Variants in NECTIN1 observed in about 807,000 individuals in gnomAD.
The protein encoded by NECTIN1 is nectin cell adhesion molecule 1.
In NECTIN1, 23 loss-of-function variants were observed where a neutral mutation model predicts 48.0. That is an observed-to-expected ratio of 0.48 (90% CI 0.34 to 0.68). The LOEUF is 0.68. Among genes scored for constraint, NECTIN1 ranks in the 30% least tolerant of loss-of-function variants. The pLI, the probability that NECTIN1 is intolerant of heterozygous loss-of-function variation, is 0.01. For missense variants in NECTIN1, 591 were observed against 709.9 expected (o/e 0.83, Z 1.90); for synonymous variants, 270 against 288.9 (o/e 0.93, Z 0.66).
chr11:119,669,230 G>A (rs1864825698), intron 5 of NECTIN1, among the ~76,000 whole-genome samples: 1 of 152,074 alleles, frequency 6.6e-6, no homozygotes, highest in Non-Finnish European at 1.5e-5. Context: ...TGACCAACAT[G>A]GTGAAACCTC....
intron 1 of NECTIN1, chr11:119,713,927 C>G (rs1157039830): frequency 4.4e-6 from 2 of 453,658 alleles, no homozygotes; most frequent in Admixed American, 4.7e-5. Context: ...AGCCTGGGGA[C>G]TTGGGGAGAA....
intron 1 of NECTIN1, among the ~76,000 whole-genome samples, chr11:119,679,340 A>G (rs1479256715): frequency 2.0e-5 from 3 of 152,154 alleles, no homozygotes; most frequent in Non-Finnish European, 4.4e-5. Flanking sequence ...GAGGCTCTGG[A>G]TGAGCTTGAA....
At chr11:119,638,837 A>G in intron 6 of NECTIN1, 4 of 1,584,846 alleles carry the variant, frequency 2.5e-6, no homozygotes, top group Admixed American at 1.7e-5. Context: ...AGCTCAGCAC[A>G]GGAGCACACA....
rs144679899 is a variant in NECTIN1, at chr11:119,684,005, C to T, written c.80-5240G>A. On this transcript the variant is annotated intron_variant, in intron 1 of 5. Transcript: ENST00000264025. The surrounding 1 kb of genome is among the most constrained non-coding windows in gnomAD (Gnocchi z 5.2). ...AAACACAAAGACTCCTCAGTTGTGG[C>T]GGACAAACCTGCTCCCCAAGGCCCT... Among the ~76,000 whole-genome samples, 210 of 152,340 alleles carry T rather than the reference C, an allele frequency of 1.4e-3. 2 individuals carry two copies. Among genetic ancestry groups the T allele is most frequent in the African/African-American group, 4.8e-3 (198 of 41,590 alleles).
chr11:119,715,506 T>C (rs7946962), intron 1 of NECTIN1, among the ~76,000 whole-genome samples: 147,245 of 152,176 alleles, frequency 0.97, 71,268 homozygotes, highest in South Asian at 0.98. Flanking sequence ...CAGGTGCCCA[T>C]AACCATGCCT....
In NECTIN1 at chr11:119,677,491, A is replaced by G; in HGVS notation, c.733+64T>C. ...GAAAGAGAAAGGGAGGAGAAAGGAG[A>G]GGAGGAGGGAGGAGGGACAGTGGCG... On this transcript the variant is annotated intron_variant, in intron 3 of 5. Coordinates refer to ENST00000264025, the MANE Select transcript of NECTIN1 (RefSeq NM_002855.5). This position sits in a 1 kb window ranked among gnomAD's most constrained non-coding sequence, Gnocchi z 5.4. The G allele has an allele frequency of 6.5e-7, 1 of 1,537,062 alleles. No individual in the cohort carries two copies. Among genetic ancestry groups the G allele is most frequent in the Non-Finnish European group, 9.0e-7 (1 of 1,112,302 alleles).
Position 119,680,362 on chromosome 11 carries a change from G to A in NECTIN1, c.80-1597C>T, listed in dbSNP as rs573119708. Among the ~76,000 whole-genome samples, 6 of 152,240 alleles carry A rather than the reference G, an allele frequency of 3.9e-5. No homozygotes were observed. The East Asian group carries it at 9.6e-4, about 24-fold the overall frequency. On this transcript the variant is annotated intron_variant, in intron 1 of 5. Coordinates refer to ENST00000264025, the MANE Select transcript of NECTIN1 (RefSeq NM_002855.5). ...CCTTACTTCACTCACTTTATTGAGC[G>A]TCATCAATAGCATTAATAACACCAG...
rs1457851260 is a variant in NECTIN1, at chr11:119,727,733, C to A, written c.79+742G>T. Among the ~76,000 whole-genome samples, 3 of 152,176 alleles carry A rather than the reference C, an allele frequency of 2.0e-5. No homozygotes were observed. The highest frequency in any genetic ancestry group is 2.9e-5 in the Non-Finnish European group (2 of 68,040). ...GCAGCCCGCACCTCGAGGAAGGACA[C>A]GCGGGGCACCCTCGGGAAAGTGGGT... On this transcript the variant is annotated intron_variant, in intron 1 of 5. Coordinates refer to ENST00000264025, the MANE Select transcript of NECTIN1 (RefSeq NM_002855.5). This position sits in a 1 kb window ranked among gnomAD's most constrained non-coding sequence, Gnocchi z 4.1.
rs1864995655 is a variant in NECTIN1, at chr11:119,678,313, A to C, written c.430+102T>G. On this transcript the variant is annotated intron_variant, in intron 2 of 5. Coordinates refer to ENST00000264025, the MANE Select transcript of NECTIN1 (RefSeq NM_002855.5). The surrounding 1 kb of genome is among the most constrained non-coding windows in gnomAD (Gnocchi z 4.4). Reference sequence around the variant, plus strand: ...TGCCTAGAATGATGGCAGCATGCCCACCCAAGGGGGATGTCTGGGGTCATT... The same window carrying C: ...TGCCTAGAATGATGGCAGCATGCCCCCCCAAGGGGGATGTCTGGGGTCATT... 30 of 1,124,328 alleles carry C rather than the reference A, an allele frequency of 2.7e-5. No individual in the cohort carries two copies. In the South Asian group the frequency reaches 3.6e-4, roughly 13 times the overall value. The allele number at this position is 1,124,328 out of a possible 1,614,324, so 69.6% of individuals were successfully genotyped here.
At chr11:119,720,536 G>A (rs1015197362) in intron 1 of NECTIN1, among the ~76,000 whole-genome samples, 4 of 152,288 alleles carry the variant, frequency 2.6e-5, no homozygotes, top group Admixed American at 2.6e-4. Context: ...CACCCCGCGT[G>A]AGCCTGTGTG....
intron 5 of NECTIN1, among the ~76,000 whole-genome samples, chr11:119,652,231 C>T (rs1864503223): frequency 6.6e-6 from 1 of 152,218 alleles, no homozygotes; most frequent in South Asian, 2.1e-4. Flanking sequence ...GCGAACCCCA[C>T]CCGGTGTGGT....
intron 5 of NECTIN1, among the ~76,000 whole-genome samples, chr11:119,648,748 C>G (rs1272147137): frequency 6.6e-6 from 1 of 151,982 alleles, no homozygotes; most frequent in East Asian, 1.9e-4. Flanking sequence ...TCAGGTCTCT[C>G]CAGCCCCCTT....
Position 119,665,307 on chromosome 11 carries a change from G to T in NECTIN1, c.1004-10C>A, listed in dbSNP as rs778101965. On this transcript the variant is annotated splice_polypyrimidine_tract_variant and intron_variant, in intron 5 of 5. Coordinates refer to ENST00000264025, the MANE Select transcript of NECTIN1 (RefSeq NM_002855.5). This position sits in a 1 kb window ranked among gnomAD's most constrained non-coding sequence, Gnocchi z 5.1. ...GGGGTGTAGGGGAATTCTGGGTGAGGAAAAGAGATGGAGGGGACAGCATCA... is the reference window on the plus strand; with the variant it reads ...GGGGTGTAGGGGAATTCTGGGTGAGTAAAAGAGATGGAGGGGACAGCATCA... The T allele has an allele frequency of 9.8e-6, 15 of 1,535,574 alleles. No homozygotes were observed. Among genetic ancestry groups the T allele is most frequent in the Admixed American group, 6.9e-5 (4 of 57,582 alleles).
rs1864759999 is a variant in NECTIN1 at position 119,665,850 on chromosome 11, C to A, written c.1004-553G>T. The stretch of plus-strand genomic sequence containing the variant: ...ACACCTGGCAGTCACTCTGCCCCAA[C>A]ACTATCAACTTGGCTTCCAAGACCC... On this transcript the variant is annotated intron_variant, in intron 5 of 5. Transcript: ENST00000264025. The surrounding 1 kb of genome is among the most constrained non-coding windows in gnomAD (Gnocchi z 5.1). Among the ~76,000 whole-genome samples the A allele has an allele frequency of 6.6e-6, 1 of 152,192 alleles. No individual in the cohort carries two copies. Among genetic ancestry groups the A allele is most frequent in the Non-Finnish European group, 1.5e-5 (1 of 68,040 alleles).
At chr11:119,643,390 G>A (rs1369620383) in intron 5 of NECTIN1, among the ~76,000 whole-genome samples, 1 of 152,248 alleles carries the variant, frequency 6.6e-6, no homozygotes, top group Non-Finnish European at 1.5e-5. Flanking sequence ...TATCCCTGAT[G>A]AGCAAGATAA....
intron 1 of NECTIN1, among the ~76,000 whole-genome samples, chr11:119,682,027 T>G (rs1056635822): frequency 1.3e-5 from 2 of 151,634 alleles, no homozygotes; most frequent in African/African-American, 4.8e-5. Flanking sequence ...AGTTGGGAGG[T>G]GCTGGAAGAT....
At chr11:119,674,169 C>T (rs781383414) in intron 5 of NECTIN1, among the ~76,000 whole-genome samples, 5 of 152,260 alleles carry the variant, frequency 3.3e-5, no homozygotes, top group Admixed American at 6.5e-5. Flanking sequence ...CAGCAACTGC[C>T]GACCAGTCTT....
At chr11:119,726,075 A>C (rs1865902684) in intron 1 of NECTIN1, among the ~76,000 whole-genome samples, 1 of 152,160 alleles carries the variant, frequency 6.6e-6, no homozygotes, top group Non-Finnish European at 1.5e-5. Flanking sequence ...CAATAGCCAG[A>C]TTGGGAGTGT....
At chr11:119,667,672 T>C (rs1864797448) in intron 5 of NECTIN1, among the ~76,000 whole-genome samples, 1 of 152,222 alleles carries the variant, frequency 6.6e-6, no homozygotes, top group Admixed American at 6.5e-5. Context: ...CTCTGAGTGC[T>C]ATCTCCAGCT....
Sources: allele counts gnomAD v4.1 joint callset (sites outside exome capture counted in the v4.1 genomes callset), GRCh38; gene constraint gnomAD v4.1.1; non-coding constraint Gnocchi (gnomAD v3.1); transcripts MANE v1.5; gene names NCBI Gene and HGNC (gene_info 2026-07-23, HGNC 2026-07-21).